Variants in NTNG1 observed in about 807,000 individuals in gnomAD.
NTNG1 encodes the protein netrin-G1.
In NTNG1, 16 loss-of-function variants were observed where a neutral mutation model predicts 54.0. The observed-to-expected ratio is 0.30, with a 90% CI of 0.20 to 0.45. NTNG1 has a LOEUF of 0.45. NTNG1 is among the 20% of genes least tolerant of loss of function. The pLI is 1.00. For missense variants in NTNG1, 530 were observed against 678.7 expected (o/e 0.78, Z 2.43); for synonymous variants, 255 against 263.1 (o/e 0.97, Z 0.30).
chr1:107,336,913 A>G (rs545830428), intron 3 of NTNG1, among the ~76,000 whole-genome samples: 1 of 152,026 alleles, frequency 6.6e-6, no homozygotes, highest in African/African-American at 2.4e-5. Context: ...AGTCAAAACC[A>G]CAATGAAATA....
At chr1:107,439,102 T>A (rs1440114355) in intron 7 of NTNG1, among the ~76,000 whole-genome samples, 3 of 152,090 alleles carry the variant, frequency 2.0e-5, no homozygotes, top group Non-Finnish European at 2.9e-5. Flanking sequence ...CGATAGAAGG[T>A]AATCAGAGCT....
intron 4 of NTNG1, among the ~76,000 whole-genome samples, chr1:107,397,427 G>A (rs970695921): frequency 6.6e-6 from 1 of 152,162 alleles, no homozygotes; most frequent in Non-Finnish European, 1.5e-5. Context: ...GAAGTAAGCA[G>A]TTTAGTAGTT....
chr1:107,227,265 A>G (rs184294403), intron 2 of NTNG1, among the ~76,000 whole-genome samples: 1 of 152,200 alleles, frequency 6.6e-6, no homozygotes, highest in East Asian at 1.9e-4. Flanking sequence ...GGCCACTGTT[A>G]ATATTGTATG....
In NTNG1 at chr1:107,484,576, A is replaced by G. The variant is rs17019209; in HGVS notation, c.*3736A>G. 0.067 allele frequency among the ~76,000 whole-genome samples: 10,247 copies of G among 152,230 alleles called. 553 individuals are homozygous for G. Among genetic ancestry groups the G allele is most frequent in the African/African-American group, 0.14 (5,887 of 41,512 alleles). Reference sequence around the variant, plus strand: ...TAAGTTGGCACAAACTGCTAACCACATAACACAAAGAAAGGTCCAGGTTGG... The same window carrying G: ...TAAGTTGGCACAAACTGCTAACCACGTAACACAAAGAAAGGTCCAGGTTGG... On this transcript the variant is annotated 3_prime_UTR_variant, in exon 8 of 8. Coordinates refer to ENST00000370068, the MANE Select transcript of NTNG1 (RefSeq NM_001113226.3).
chr1:107,282,802 A>G (rs1468220764), intron 2 of NTNG1, among the ~76,000 whole-genome samples: 2 of 152,144 alleles, frequency 1.3e-5, no homozygotes, highest in African/African-American at 2.4e-5. Flanking sequence ...CTATAACAAA[A>G]TACCCTCAGG....
chr1:107,430,899 G>A lies in NTNG1; in HGVS notation c.1237G>A (p.Asp413Asn), dbSNP rs1675220935. 6.2e-7 allele frequency: 1 copy of A among 1,612,974 alleles called. No homozygotes were observed. The highest frequency in any genetic ancestry group is 8.5e-7 in the Non-Finnish European group (1 of 1,179,342). ...YFRNASAQLDDENVCIECYCN... is the reference protein window; with the variant it reads ...YFRNASAQLDNENVCIECYCN... Reference sequence around the variant, plus strand: ...CAGAAATGCTTCTGCACAACTGGACGATGAGAATGTGTGCATAGGTCAGTT... The same window carrying A: ...CAGAAATGCTTCTGCACAACTGGACAATGAGAATGTGTGCATAGGTCAGTT... The change falls in exon 6 of 8, where the codon GAT becomes AAT. Residue 413 changes from aspartate to asparagine, a missense_variant. Physicochemically the swap from Asp to Asn is conservative, Grantham distance 23. This residue lies in a region of NTNG1 where 212 missense variants were observed against 213.6 expected (regional missense o/e 0.99). Transcript: ENST00000370068.
intron 2 of NTNG1, among the ~76,000 whole-genome samples, chr1:107,264,975 G>A (rs6664191): frequency 1.2e-3 from 183 of 152,312 alleles, no homozygotes; most frequent in African/African-American, 4.3e-3. Flanking sequence ...CTGCTGTTGA[G>A]CACCTTGGCT....
intron 2 of NTNG1, among the ~76,000 whole-genome samples, chr1:107,321,179 T>A (rs138825690): frequency 1.3e-3 from 191 of 152,230 alleles, no homozygotes; most frequent in Non-Finnish European, 1.8e-3. Flanking sequence ...ATTATGCTTG[T>A]TTGTTTAGTG....
rs748672556 is a variant in NTNG1, at chr1:107,430,787, T to C, written c.1125T>C (p.Tyr375=). The change falls in exon 6 of 8, where the codon TAT becomes TAC. Residue 375 remains tyrosine, a synonymous_variant. Transcript: ENST00000370068. ...ECFGHSNRCS[Y]IDLLNTVICV... is the part of the protein sequence containing the mutation. ...TCGGCCACTCCAATCGATGCAGTTA[T>C]ATCGATCTGCTAAATACAGTCATTT... 7 of 1,613,210 alleles carry C rather than the reference T, an allele frequency of 4.3e-6. No individual in the cohort carries two copies. Among genetic ancestry groups the C allele is most frequent in the African/African-American group, 4.0e-5 (3 of 74,920 alleles).
rs577257424 is a variant in NTNG1, at chr1:107,313,137, C to T, written c.247-11145C>T. On this transcript the variant is annotated intron_variant, in intron 2 of 7. Coordinates refer to ENST00000370068, the MANE Select transcript of NTNG1 (RefSeq NM_001113226.3). ...TTTGGGGGGCATTAGTTGTCAGATC[C>T]CTTTAGTCTCCATCAGTCTGAAATT... 3.9e-5 allele frequency among the ~76,000 whole-genome samples: 6 copies of T among 152,142 alleles called. No homozygotes were observed. The South Asian group carries it at 1.2e-3, about 32-fold the overall frequency.
Position 107,473,327 on chromosome 1 carries a change from C to T in NTNG1, c.1391-7284C>T, listed in dbSNP as rs560528863. Among the ~76,000 whole-genome samples the T allele has an allele frequency of 3.9e-5, 6 of 152,218 alleles. No individual in the cohort carries two copies. The East Asian group carries it at 1.2e-3, about 29-fold the overall frequency. ...CAAAACCCAGAGAAAAGAAAACTTC[C>T]CTTTGGTAGTGGAATGGATCATCAT... On this transcript the variant is annotated intron_variant, in intron 7 of 7. Transcript: ENST00000370068.
chr1:107,317,314 T>C (rs896136483), intron 2 of NTNG1, among the ~76,000 whole-genome samples: 1 of 152,216 alleles, frequency 6.6e-6, no homozygotes, highest in Non-Finnish European at 1.5e-5. Context: ...TGCTCTGATC[T>C]AATTCAAGAC....
intron 2 of NTNG1, among the ~76,000 whole-genome samples, chr1:107,244,815 C>T (rs750360490): frequency 3.9e-5 from 6 of 152,284 alleles, no homozygotes; most frequent in South Asian, 4.2e-4. Context: ...GACTGTGGCA[C>T]GGTCTGGACT....
intron 2 of NTNG1, among the ~76,000 whole-genome samples, chr1:107,250,593 G>T (rs186097574): frequency 7.0e-6 from 1 of 142,116 alleles, no homozygotes; most frequent in African/African-American, 2.5e-5. Flanking sequence ...AAAAATAAAA[G>T]AAAGACAACT....
chr1:107,407,694 T>C lies in NTNG1; in HGVS notation c.1073T>C (p.Ile358Thr). 6.2e-7 allele frequency: 1 copy of C among 1,608,538 alleles called. No individual in the cohort carries two copies. The highest frequency in any genetic ancestry group is 8.5e-7 in the Non-Finnish European group (1 of 1,176,854). ...KGTANTCIPS[I>T]SSIGNCECFG... The stretch of plus-strand genomic sequence containing the variant: ...TCTTTTTCTCCAGGTATCCCCAGTA[T>C]TTCCAGTATTGGTAGTAAGTAAAAA... The change falls in exon 5 of 8, where the codon ATT (isoleucine) becomes ACT (threonine). Residue 358 changes from isoleucine to threonine, a missense_variant. By Grantham distance (89) the Ile-to-Thr change is moderately conservative. Around this residue, in one of 2 missense-constraint regions of NTNG1, gnomAD observed 318 missense variants for 465.1 expected, o/e 0.68. Transcript: ENST00000370068.
chr1:107,160,621 G>C (rs185360523), intron 2 of NTNG1, among the ~76,000 whole-genome samples: 1 of 151,684 alleles, frequency 6.6e-6, no homozygotes, highest in African/African-American at 2.4e-5. Flanking sequence ...ATTTTTTCTC[G>C]TAACTTTGTG....
Position 107,197,209 on chromosome 1 carries a change from G to A in NTNG1, c.246+48370G>A, listed in dbSNP as rs183753545. On this transcript the variant is annotated intron_variant, in intron 2 of 7. Transcript: ENST00000370068. Reference sequence around the variant, plus strand: ...CCCTTAGGCTTGTGACACAGGAAATGCGGTCTGATTAGTTCTGCAGCCTTA... The same window carrying A: ...CCCTTAGGCTTGTGACACAGGAAATACGGTCTGATTAGTTCTGCAGCCTTA... Among the ~76,000 whole-genome samples, 8 of 152,076 alleles carry A rather than the reference G, an allele frequency of 5.3e-5. No individual in the cohort carries two copies. In the East Asian group the frequency reaches 1.6e-3, roughly 30 times the overall value.
intron 2 of NTNG1, among the ~76,000 whole-genome samples, chr1:107,154,079 G>C (rs1327618967): frequency 6.6e-6 from 1 of 152,138 alleles, no homozygotes; most frequent in Non-Finnish European, 1.5e-5. Flanking sequence ...GATAACTAAT[G>C]TCGAATAATA....
intron 4 of NTNG1, among the ~76,000 whole-genome samples, chr1:107,405,056 T>A (rs1322036453): frequency 1.3e-5 from 2 of 152,192 alleles, no homozygotes; most frequent in Admixed American, 6.5e-5. Context: ...TTGTTGCACT[T>A]CATTTCTAGC....
Sources: allele counts gnomAD v4.1 joint callset (sites outside exome capture counted in the v4.1 genomes callset), GRCh38; gene constraint gnomAD v4.1.1; regional missense constraint gnomAD v4.1.1; transcripts MANE v1.5; gene names NCBI Gene and HGNC (gene_info 2026-07-23, HGNC 2026-07-21).